Variants in MEIS1 observed in about 807,000 individuals in gnomAD.
MEIS1 encodes the protein homeobox protein Meis1.
In MEIS1, 5 loss-of-function variants were observed where a neutral mutation model predicts 50.8. The ratio of observed to expected loss-of-function variants is 0.10; its 90% CI spans 0.05 to 0.21. The LOEUF (loss-of-function observed/expected upper bound fraction) is 0.21. MEIS1 is among the 10% of genes least tolerant of loss of function. The pLI, the probability that MEIS1 is intolerant of heterozygous loss-of-function variation, is 1.00. For missense variants in MEIS1, 318 were observed against 517.3 expected (o/e 0.61, Z 3.74); for synonymous variants, 176 against 179.3 (o/e 0.98, Z 0.15).
intron 8 of MEIS1, among the ~76,000 whole-genome samples, chr2:66,532,824 T>TG (rs1674427419): frequency 6.6e-6 from 1 of 152,224 alleles, no homozygotes; most frequent in Admixed American, 6.5e-5. Context: ...TGGAGGCTTC[T>TG]GAAACTGTAT....
intron 7 of MEIS1, among the ~76,000 whole-genome samples, chr2:66,493,054 G>A (rs1673311163): frequency 6.6e-6 from 1 of 152,110 alleles, no homozygotes; most frequent in African/African-American, 2.4e-5. Flanking sequence ...CATGTTGCTT[G>A]GCAACAAATA....
At chr2:66,501,528 T>C (rs1286019180) in intron 7 of MEIS1, among the ~76,000 whole-genome samples, 1 of 152,074 alleles carries the variant, frequency 6.6e-6, no homozygotes, top group Non-Finnish European at 1.5e-5. Context: ...TCATTGCTGT[T>C]TGTCCTCTGT....
intron 7 of MEIS1, among the ~76,000 whole-genome samples, chr2:66,479,139 T>G (rs1672960259): frequency 1.3e-5 from 2 of 152,240 alleles, no homozygotes; most frequent in Admixed American, 6.5e-5. Context: ...CTCATGTTTA[T>G]TACCCAATTG....
chr2:66,558,279 C>CAAAAA (rs59017279), intron 9 of MEIS1, among the ~76,000 whole-genome samples: 158 of 57,010 alleles, frequency 2.8e-3, no homozygotes, highest in Admixed American at 3.8e-3. Flanking sequence ...AACTCCATCT[C>CAAAAA]AAAAAAAAAA....
intron 6 of MEIS1, among the ~76,000 whole-genome samples, chr2:66,453,144 G>A (rs1479799923): frequency 1.3e-5 from 2 of 151,952 alleles, no homozygotes; most frequent in East Asian, 1.9e-4. Context: ...CATCCTAATA[G>A]TGAATTGTTT....
intron 7 of MEIS1, among the ~76,000 whole-genome samples, chr2:66,504,667 GTTTA>G (rs955046230): frequency 5.3e-5 from 8 of 152,142 alleles, no homozygotes; most frequent in Admixed American, 2.6e-4. Flanking sequence ...CCAATAATAC[GTTTA>G]TTTAAAGTTT....
chr2:66,568,960 G>A, intron 11 of MEIS1, 90 bp from the exon 12 acceptor site: 1 of 1,274,658 alleles, frequency 7.8e-7, no homozygotes, highest in Non-Finnish European at 1.1e-6. Flanking sequence ...CAACCCTCTA[G>A]ATCCTGTTTT....
intron 8 of MEIS1, among the ~76,000 whole-genome samples, chr2:66,516,746 G>GCCC (rs1673981003): frequency 6.6e-6 from 1 of 152,100 alleles, no homozygotes. Flanking sequence ...TGCCCTGCGG[G>GCCC]TCCGCCACTC....
At chr2:66,556,425 A>G (rs1431719113) in intron 9 of MEIS1, among the ~76,000 whole-genome samples, 1 of 151,788 alleles carries the variant, frequency 6.6e-6, no homozygotes, top group East Asian at 1.9e-4. Context: ...TTGGAGCTAC[A>G]TGTAACTTAG....
At chr2:66,441,591 AGTGTC>A in intron 5 of MEIS1, 127 bp downstream of exon 5, 1 of 754,812 alleles carries the variant, frequency 1.3e-6, no homozygotes, top group South Asian at 2.0e-5. Flanking sequence ...TCTGGTAATT[AGTGTC>A]AAGGCCAATC....
At chr2:66,518,530 T>C (rs2103866345) in intron 8 of MEIS1, among the ~76,000 whole-genome samples, 1 of 152,360 alleles carries the variant, frequency 6.6e-6, no homozygotes, top group East Asian at 1.9e-4. Context: ...TTGTTACTGA[T>C]ACACCTAACT....
chr2:66,472,601 T>G (rs1672788158), intron 7 of MEIS1, among the ~76,000 whole-genome samples: 1 of 152,204 alleles, frequency 6.6e-6, no homozygotes, highest in African/African-American at 2.4e-5. Flanking sequence ...TGAGTGTATT[T>G]ATTTCACAAC....
intron 8 of MEIS1, among the ~76,000 whole-genome samples, chr2:66,522,401 T>C (rs1043897949): frequency 1.3e-5 from 2 of 152,324 alleles, no homozygotes; most frequent in East Asian, 1.9e-4. Context: ...TATGGTTCTA[T>C]TGTGGCAGCT....
intron 8 of MEIS1, among the ~76,000 whole-genome samples, chr2:66,515,921 A>AT (rs1430587038): frequency 6.6e-6 from 1 of 152,208 alleles, no homozygotes; most frequent in African/African-American, 2.4e-5. Flanking sequence ...GTTCAGGGGC[A>AT]TATGTCATAT....
intron 7 of MEIS1, among the ~76,000 whole-genome samples, chr2:66,471,586 T>A (rs912453522): frequency 5.9e-5 from 9 of 152,378 alleles, no homozygotes; most frequent in African/African-American, 2.2e-4. Flanking sequence ...TTGACTACTT[T>A]TGTCTCCCAA....
At chr2:66,494,191 G>C (rs961646284) in intron 7 of MEIS1, among the ~76,000 whole-genome samples, 1 of 152,082 alleles carries the variant, frequency 6.6e-6, no homozygotes, top group African/African-American at 2.4e-5. Context: ...TCAACAAATC[G>C]ATCACTTGTT....
intron 12 of MEIS1, chr2:66,570,005 T>G (rs1675445024): frequency 1.3e-5 from 2 of 152,242 alleles, no homozygotes; most frequent in African/African-American, 4.8e-5. Context: ...CCAAGGCTCT[T>G]GTTCACTTCC....
intron 1 of MEIS1, chr2:66,436,752 A>G (rs1671806341): frequency 2.4e-6 from 1 of 419,580 alleles, no homozygotes; most frequent in South Asian, 1.0e-4. Context: ...TTCTTTGAAA[A>G]TCATTTCACT....
At chr2:66,460,977 C>T (rs1211533336) in intron 6 of MEIS1, among the ~76,000 whole-genome samples, 4 of 152,160 alleles carry the variant, frequency 2.6e-5, no homozygotes, top group Non-Finnish European at 5.9e-5. Context: ...AGGTTAAGAC[C>T]TCTTGTCTTA....
Sources: gnomAD v4.1 joint callset for allele counts (sites outside exome capture counted in the v4.1 genomes callset) on GRCh38, gnomAD v4.1.1 for gene constraint, MANE v1.5 for transcripts, NCBI Gene and HGNC (gene_info 2026-07-23, HGNC 2026-07-21) for gene names.